LRMDA: variants seen among roughly 807,000 people sequenced by gnomAD.
LRMDA encodes the protein leucine-rich melanocyte differentiation-associated protein.
Under a neutral mutation model 29.8 loss-of-function variants are expected in LRMDA, and 18 were observed. The observed-to-expected ratio is 0.60, with a 90% CI of 0.42 to 0.90. LRMDA has a LOEUF of 0.90. LRMDA is among the 40% of genes least tolerant of loss of function. The pLI, the probability that LRMDA is intolerant of heterozygous loss-of-function variation, is 0.00. For synonymous variants in LRMDA, 125 were observed against 109.4 expected, an observed-to-expected ratio of 1.14 and a Z score of -0.89; for missense variants, 273 against 273.9, an observed-to-expected ratio of 1.00 and a Z score of 0.02.
chr10:75,932,166 ACTTT>A (rs1846215639), intron 2 of LRMDA, among the ~76,000 whole-genome samples: 1 of 152,160 alleles, frequency 6.6e-6, no homozygotes, highest in Non-Finnish European at 1.5e-5. Context: ...CTGTGGCTGT[ACTTT>A]CTTAAGAAGC....
intron 2 of LRMDA, among the ~76,000 whole-genome samples, chr10:75,491,833 A>G (rs183678931): frequency 3.3e-5 from 5 of 152,264 alleles, no homozygotes; most frequent in Admixed American, 6.5e-5. Context: ...TAATTTCAAG[A>G]TGGGAAACTC....
intron 6 of LRMDA, among the ~76,000 whole-genome samples, chr10:76,381,861 T>C (rs761315466): frequency 1.2e-4 from 18 of 152,252 alleles, no homozygotes; most frequent in African/African-American, 3.4e-4. Flanking sequence ...TCATGGCTTA[T>C]TCTTCCCTTG....
intron 5 of LRMDA, among the ~76,000 whole-genome samples, chr10:76,295,471 A>C (rs1276711612): frequency 6.6e-6 from 1 of 152,214 alleles, no homozygotes; most frequent in Non-Finnish European, 1.5e-5. Flanking sequence ...TAGCATTCTC[A>C]GTTAGAAATA....
intron 5 of LRMDA, among the ~76,000 whole-genome samples, chr10:76,076,846 G>C (rs1848968877): frequency 6.6e-6 from 1 of 152,110 alleles, no homozygotes; most frequent in Non-Finnish European, 1.5e-5. Flanking sequence ...CAAATATGTT[G>C]CATTTATAGC....
At chr10:75,667,833 C>T (rs185356060) in intron 2 of LRMDA, among the ~76,000 whole-genome samples, 99 of 152,296 alleles carry the variant, frequency 6.5e-4, no homozygotes, top group South Asian at 4.6e-3. Flanking sequence ...ATTAGCATGT[C>T]TTTCTGTTCA....
intron 5 of LRMDA, among the ~76,000 whole-genome samples, chr10:76,103,734 T>C (rs771607776): frequency 6.6e-6 from 1 of 152,204 alleles, no homozygotes; most frequent in Admixed American, 6.5e-5. Context: ...CTCAGCAAGA[T>C]GCAGACTGGT....
At chr10:75,687,689 G>C (rs1439946403) in intron 2 of LRMDA, among the ~76,000 whole-genome samples, 1 of 152,222 alleles carries the variant, frequency 6.6e-6, no homozygotes, top group African/African-American at 2.4e-5. Flanking sequence ...AATGTAGTTG[G>C]AACAGCCTTC....
intron 5 of LRMDA, among the ~76,000 whole-genome samples, chr10:76,072,965 C>G (rs1295957380): frequency 2.0e-5 from 3 of 152,204 alleles, no homozygotes; most frequent in Non-Finnish European, 4.4e-5. Flanking sequence ...TTTCCAGCAT[C>G]GCAGATGAAA....
At chr10:75,438,314 A>G (rs1375833926) in intron 1 of LRMDA, 80 bp from the exon 2 acceptor site, 4 of 1,099,430 alleles carry the variant, frequency 3.6e-6, no homozygotes, top group Non-Finnish European at 5.4e-6. Flanking sequence ...AGAAGCAATC[A>G]TTGGATCAGT....
At chr10:75,608,549 A>G (rs1413411170) in intron 2 of LRMDA, among the ~76,000 whole-genome samples, 2 of 152,210 alleles carry the variant, frequency 1.3e-5, no homozygotes, top group Non-Finnish European at 2.9e-5. Context: ...GTTTGACTAT[A>G]ATGTTCAGTT....
At chr10:76,081,229 A>C (rs1376447868) in intron 5 of LRMDA, among the ~76,000 whole-genome samples, 1 of 152,164 alleles carries the variant, frequency 6.6e-6, no homozygotes, top group African/African-American at 2.4e-5. Context: ...TAATCCCAGC[A>C]CTTTGGGAGG....
At chr10:76,108,093 A>G (rs957472320) in intron 5 of LRMDA, among the ~76,000 whole-genome samples, 2 of 152,206 alleles carry the variant, frequency 1.3e-5, no homozygotes, top group Non-Finnish European at 1.5e-5. Context: ...TACCAAATGG[A>G]AATATGGAAG....
intron 2 of LRMDA, among the ~76,000 whole-genome samples, chr10:75,856,433 A>G (rs1008590348): frequency 6.6e-6 from 1 of 152,216 alleles, no homozygotes; most frequent in Admixed American, 6.5e-5. Context: ...AAAATCCTCA[A>G]TAAAATACTG....
At chr10:76,292,514 A>T (rs575173328) in intron 5 of LRMDA, among the ~76,000 whole-genome samples, 29 of 152,268 alleles carry the variant, frequency 1.9e-4, no homozygotes, top group African/African-American at 7.0e-4. Flanking sequence ...ATGTAGCTGG[A>T]TGTGCAGCAT....
intron 4 of LRMDA, among the ~76,000 whole-genome samples, chr10:76,058,121 T>G (rs1848645443): frequency 6.6e-6 from 1 of 152,190 alleles, no homozygotes; most frequent in Admixed American, 6.5e-5. Flanking sequence ...AATAACCACA[T>G]GTATTATCGA....
intron 2 of LRMDA, among the ~76,000 whole-genome samples, chr10:75,442,500 A>G (rs1429605026): frequency 6.6e-6 from 1 of 152,158 alleles, no homozygotes; most frequent in Non-Finnish European, 1.5e-5. Context: ...AACACCATTT[A>G]TTGAAGAGAC....
intron 2 of LRMDA, among the ~76,000 whole-genome samples, chr10:75,446,747 G>A (rs1008780273): frequency 1.3e-5 from 2 of 152,182 alleles, no homozygotes; most frequent in African/African-American, 4.8e-5. Flanking sequence ...AACTGTCCCT[G>A]ATATTCCATA....
At chr10:75,661,677 A>G (rs1404632605) in intron 2 of LRMDA, among the ~76,000 whole-genome samples, 1 of 152,214 alleles carries the variant, frequency 6.6e-6, no homozygotes, top group Non-Finnish European at 1.5e-5. Context: ...GGCAGGTGAT[A>G]TATACACATG....
At chr10:76,378,709 C>T (rs1226818650) in intron 6 of LRMDA, among the ~76,000 whole-genome samples, 2 of 151,574 alleles carry the variant, frequency 1.3e-5, no homozygotes, top group African/African-American at 4.8e-5. Context: ...TGTTGCAAAT[C>T]CCTGGAATAA....
Sources: gnomAD v4.1 joint callset for allele counts (sites outside exome capture counted in the v4.1 genomes callset) on GRCh38, gnomAD v4.1.1 for gene constraint, MANE v1.5 for transcripts, NCBI Gene and HGNC (gene_info 2026-07-23, HGNC 2026-07-21) for gene names.